Variants in DNAH2 observed in about 807,000 individuals in gnomAD.
The protein encoded by DNAH2 is axonemal beta dynein heavy chain 2.
A neutral mutation model predicts 523.5 loss-of-function variants in DNAH2; 323 were observed. The observed-to-expected ratio is 0.62, with a 90% CI of 0.56 to 0.68. The LOEUF is 0.68. Among genes scored for constraint, DNAH2 ranks in the 30% least tolerant of loss-of-function variants. The pLI is 0.00. For missense variants in DNAH2, 4,907 were observed against 5,701.5 expected, an observed-to-expected ratio of 0.86 and a Z score of 4.49; for synonymous variants, 2,093 against 2,177.4, an observed-to-expected ratio of 0.96 and a Z score of 1.08.
intron 4 of DNAH2, among the ~76,000 whole-genome samples, chr17:7,730,422 A>G (rs1446390854): frequency 1.3e-5 from 2 of 152,238 alleles, no homozygotes; most frequent in East Asian, 3.8e-4. Flanking sequence ...CAAATGAAAC[A>G]ATATAAATGT....
intron 63 of DNAH2, among the ~76,000 whole-genome samples, chr17:7,813,127 C>A (rs993399291): frequency 1.3e-5 from 2 of 152,134 alleles, no homozygotes; most frequent in African/African-American, 2.4e-5. Context: ...TATCCTCATG[C>A]CCTTAGGCCT....
rs928811354 is a variant in DNAH2 at position 7,799,015 on chromosome 17, A to T, written c.8560-88A>T. 15 of 1,533,974 alleles carry T rather than the reference A, an allele frequency of 9.8e-6. No homozygotes were observed. In the African/African-American group the frequency reaches 1.5e-4, roughly 15 times the overall value. On this transcript the variant is annotated intron_variant, in intron 55 of 85. Coordinates refer to ENST00000572933, the MANE Select transcript of DNAH2 (RefSeq NM_020877.5). ...CAGGAGTTCAAGTCCAGCCTGGGAA[A>T]CACTTCGTCAGCCCCACCTGACCCG...
rs970844681 is a variant in DNAH2 at position 7,816,519 on chromosome 17, C to G, written c.9730-52C>G. On this transcript the variant is annotated intron_variant, in intron 63 of 85. Coordinates refer to ENST00000572933, the MANE Select transcript of DNAH2 (RefSeq NM_020877.5). ...GGCAGAGTCATGATGTGAACAAGAA[C>G]AATCTGGCTGCGAGCCCTGTGTTTG... 10 of 1,601,620 alleles carry G rather than the reference C, an allele frequency of 6.2e-6. No homozygotes were observed. The African/African-American group carries it at 1.3e-4, about 21-fold the overall frequency.
chr17:7,831,666 C>T lies in DNAH2; in HGVS notation c.12617C>T (p.Ser4206Leu). ...CTCCACCTCATCCTGCTCAGGTTCTCACTGACAGACCTAGAGAAAGGCATC... is the reference window on the plus strand; with the variant it reads ...CTCCACCTCATCCTGCTCAGGTTCTTACTGACAGACCTAGAGAAAGGCATC... Reference protein sequence around the residue: ...YNTLMQTILFSLTDLEKGIQG... With the variant: ...YNTLMQTILFLLTDLEKGIQG... Residue 4206 changes from serine to leucine, a missense_variant, in exon 82 of 86, where the codon TCA becomes TTA. Physicochemically the swap from Ser to Leu is moderately radical, Grantham distance 145 (BLOSUM62 -2). Around this residue, in one of 3 missense-constraint regions of DNAH2, gnomAD observed 1,851 missense variants for 2,139.4 expected, o/e 0.87. Transcript: ENST00000572933. This position sits in a 1 kb window ranked among gnomAD's most constrained non-coding sequence, Gnocchi z 4.2. 4 of 1,614,118 alleles carry T rather than the reference C, an allele frequency of 2.5e-6. No individual in the cohort carries two copies. The highest frequency in any genetic ancestry group is 3.4e-6 in the Non-Finnish European group (4 of 1,179,964).
Position 7,770,529 on chromosome 17 carries a change from T to G in DNAH2, c.4099-28T>G, listed in dbSNP as rs374754757. 49 of 1,613,430 alleles carry G rather than the reference T, an allele frequency of 3.0e-5. No homozygotes were observed. In the African/African-American group the frequency reaches 5.9e-4, roughly 19 times the overall value. On this transcript the variant is annotated intron_variant, in intron 25 of 85. Coordinates refer to ENST00000572933, the MANE Select transcript of DNAH2 (RefSeq NM_020877.5). Reference sequence around the variant, plus strand: ...TCCCCTTAGTGAAGAGATACCTGACTGCTGTGTCCCCCAATTTCTCTCCAC... The same window carrying G: ...TCCCCTTAGTGAAGAGATACCTGACGGCTGTGTCCCCCAATTTCTCTCCAC...
rs2075973390 is a variant in DNAH2 at position 7,760,408 on chromosome 17, G to A, written c.2786-332G>A. Among the ~76,000 whole-genome samples, 1 of 151,554 alleles carries A rather than the reference G, an allele frequency of 6.6e-6. No individual in the cohort carries two copies. Among genetic ancestry groups the A allele is most frequent in the Admixed American group, 6.6e-5 (1 of 15,226 alleles). On this transcript the variant is annotated intron_variant, in intron 17 of 85. Transcript: ENST00000572933. This position sits in a 1 kb window ranked among gnomAD's most constrained non-coding sequence, Gnocchi z 4.0. ...GGCCAGACTGGGGAAGGGAGCAGGG[G>A]CTTGGATGGGGGTTGAGATTAGGTG...
At chr17:7,742,127 C>T (rs1231789632) in intron 11 of DNAH2, among the ~76,000 whole-genome samples, 1 of 151,860 alleles carries the variant, frequency 6.6e-6, no homozygotes, top group Non-Finnish European at 1.5e-5. Context: ...AACAGAAAAA[C>T]ATTGTTTTAA....
rs754842665 is a variant in DNAH2, at chr17:7,733,236, C to G, written c.549C>G (p.Ile183Met). The G allele has an allele frequency of 6.2e-7, 1 of 1,614,196 alleles. No individual in the cohort carries two copies. The highest frequency in any genetic ancestry group is 8.5e-7 in the Non-Finnish European group (1 of 1,180,032). The change falls in exon 5 of 86, where the codon ATC becomes ATG. Residue 183 changes from isoleucine (I) to methionine (M), a missense_variant. By Grantham distance (10) the Ile-to-Met change is conservative (BLOSUM62 1). This residue lies in a region of DNAH2 where 2,806 missense variants were observed against 3,190.8 expected (regional missense o/e 0.88). Coordinates refer to ENST00000572933, the MANE Select transcript of DNAH2 (RefSeq NM_020877.5). ...TCGGTGGAGTCTTTGCCCCTCAGAT[C>G]TTTGCAAACACAGGCTGGCCTGAGA... ...RLLGGVFAPQIFANTGWPESI... is the reference protein window; with the variant it reads ...RLLGGVFAPQMFANTGWPESI...
intron 12 of DNAH2, among the ~76,000 whole-genome samples, chr17:7,746,962 G>A (rs945236492): frequency 3.3e-5 from 5 of 150,628 alleles, no homozygotes; most frequent in African/African-American, 1.2e-4. Context: ...ACTCCAGCCT[G>A]GGCAACAAGA....
intron 12 of DNAH2, among the ~76,000 whole-genome samples, chr17:7,752,436 C>T (rs182161354): frequency 4.7e-4 from 72 of 152,190 alleles, no homozygotes; most frequent in Non-Finnish European, 7.4e-4. Context: ...TCAGGCCGCG[C>T]GCGGTGGCTC....
Position 7,764,199 on chromosome 17 carries a change from G to A in DNAH2, c.3262G>A (p.Val1088Met), listed in dbSNP as rs769705508. ...TGCCCTGAAGCACGACTTGGCCAAC[G>A]TGGAGACTCAGATCCCTCCCATACA... ...VDALKHDLAN[V>M]ETQIPPIHEQ... Residue 1088 changes from valine (V) to methionine (M), a missense_variant, in exon 20 of 86, where the codon GTG (valine) becomes ATG (methionine). This residue lies in a region of DNAH2 where 2,806 missense variants were observed against 3,190.8 expected (regional missense o/e 0.88). Transcript: ENST00000572933. The A allele has an allele frequency of 1.6e-5, 26 of 1,614,048 alleles. No individual in the cohort carries two copies. Among genetic ancestry groups the A allele is most frequent in the African/African-American group, 4.0e-5 (3 of 74,922 alleles).
intron 11 of DNAH2, 34 bp downstream of exon 11, chr17:7,741,026 A>G (rs2075299240): frequency 6.4e-7 from 1 of 1,571,514 alleles, no homozygotes; most frequent in Non-Finnish European, 8.7e-7. Context: ...TTCTGTCGTC[A>G]GTGAGACCGC....
chr17:7,758,032 T>C (rs1202832949), intron 13 of DNAH2, among the ~76,000 whole-genome samples: 1 of 152,204 alleles, frequency 6.6e-6, no homozygotes, highest in African/African-American at 2.4e-5. Context: ...TAGCAGGAAA[T>C]TTCTCAGCCC....
At chr17:7,722,149 C>T (rs2074629996) in intron 2 of DNAH2, among the ~76,000 whole-genome samples, 1 of 149,678 alleles carries the variant, frequency 6.7e-6, no homozygotes, top group South Asian at 2.2e-4. Context: ...CAGGCACCCG[C>T]CACCATGCCT....
chr17:7,742,609 GT>G (rs2075385388), intron 11 of DNAH2, among the ~76,000 whole-genome samples: 2 of 152,136 alleles, frequency 1.3e-5, no homozygotes, highest in South Asian at 4.1e-4. Context: ...GCTGATACTG[GT>G]TTTCAACCTT....
At chr17:7,729,138 G>A (rs1392395523) in intron 4 of DNAH2, among the ~76,000 whole-genome samples, 1 of 151,902 alleles carries the variant, frequency 6.6e-6, no homozygotes, top group East Asian at 1.9e-4. Context: ...AACCCTGAGA[G>A]TAAGCAAATT....
Position 7,776,154 on chromosome 17 carries a change from G to C in DNAH2, c.4947+5G>C. ...GTGAAGGAGTGGGCTGGCCAGGTGA[G>C]CTGGGGTCAACAGAAGTGAGGGAAC... On this transcript the variant is annotated splice_donor_5th_base_variant and intron_variant, in intron 31 of 85. Transcript: ENST00000572933. 6.2e-7 allele frequency: 1 copy of C among 1,613,040 alleles called. No individual in the cohort carries two copies. Among genetic ancestry groups the C allele is most frequent in the East Asian group, 2.2e-5 (1 of 44,848 alleles).
intron 8 of DNAH2, chr17:7,738,027 A>G: frequency 2.8e-6 from 2 of 703,326 alleles, no homozygotes; most frequent in Middle Eastern, 4.6e-4. Flanking sequence ...TTTGAGGGAT[A>G]TGTCTCTTCC....
At position 7,821,092 on chromosome 17, in the gene DNAH2, CCT is replaced by C; in HGVS notation, c.11016-150_11016-149del. 2 of 1,066,660 alleles carry C rather than the reference CCT, an allele frequency of 1.9e-6. No individual in the cohort carries two copies. Among genetic ancestry groups the C allele is most frequent in the Non-Finnish European group, 2.6e-6 (2 of 769,528 alleles). 66.1% of individuals were successfully genotyped at this position (1,066,660 alleles called of 1,614,324 possible). A position where few individuals can be genotyped will look rare whatever the true frequency, so the allele number is the denominator to read the frequency against. ...TCTGGGAAATTCTTGTGTCTAGGCC[CCT>C]GAGTCCTCAGCTGTTTCCAGGAGGT... On this transcript the variant is annotated intron_variant, in intron 72 of 85. Coordinates refer to ENST00000572933, the MANE Select transcript of DNAH2 (RefSeq NM_020877.5). This position sits in a 1 kb window ranked among gnomAD's most constrained non-coding sequence, Gnocchi z 5.0.
Sources: allele counts gnomAD v4.1 joint callset (sites outside exome capture counted in the v4.1 genomes callset), GRCh38; gene constraint gnomAD v4.1.1; regional missense constraint gnomAD v4.1.1; non-coding constraint Gnocchi (gnomAD v3.1); transcripts MANE v1.5; gene names NCBI Gene and HGNC (gene_info 2026-07-23, HGNC 2026-07-21).